RFNG: variants seen among roughly 807,000 people sequenced by gnomAD.
RFNG encodes RFNG O-fucosylpeptide 3-beta-N-acetylglucosaminyltransferase, also known as beta-1,3-N-acetylglucosaminyltransferase radical fringe.
In RFNG, 37 loss-of-function variants were observed where a neutral mutation model predicts 29.6. That is an observed-to-expected ratio of 1.25 (90% CI 0.96 to 1.65). The LOEUF is 1.65. RFNG is among the 40% of genes most tolerant of loss of function. The pLI is 0.00. For synonymous variants in RFNG, 276 were observed against 197.3 expected, an observed-to-expected ratio of 1.40 and a Z score of -3.34; for missense variants, 546 against 457.0, an observed-to-expected ratio of 1.19 and a Z score of -1.78.
At chr17:82,050,031 C>G (rs1342181087) in intron 4 of RFNG, 25 bp from the exon 5 acceptor site, 1 of 1,573,552 alleles carries the variant, frequency 6.4e-7, no homozygotes, top group Non-Finnish European at 8.7e-7. Flanking sequence ...GTGGTCAGAG[C>G]TGCCCAGGAC....
intron 6 of RFNG, 115 bp from the exon 7 acceptor site, chr17:82,049,231 C>A: frequency 1.2e-6 from 1 of 832,818 alleles, no homozygotes; most frequent in South Asian, 1.4e-5. Context: ...CCCAGGCCCT[C>A]GGGGAGGCCA....
In RFNG at chr17:82,050,647, G is replaced by C. The variant is rs2030372234; in HGVS notation, c.419+15C>G. 1.2e-6 allele frequency: 2 copies of C among 1,612,392 alleles called. No individual in the cohort carries two copies. The highest frequency in any genetic ancestry group is 1.1e-5 in the South Asian group (1 of 91,056). ...TGGCTCTGAGCTCTCTGCGGGTCGG[G>C]TCAGCGCCGCGTACTTGCGCCCGGA... On this transcript the variant is annotated intron_variant, in intron 3 of 7. Coordinates refer to ENST00000310496, the MANE Select transcript of RFNG (RefSeq NM_002917.2).
chr17:82,048,847 G>C, intron 7 of RFNG, 40 bp from the exon 8 acceptor site: 1 of 1,573,808 alleles, frequency 6.4e-7, no homozygotes, highest in Non-Finnish European at 8.7e-7. Context: ...CGTGGGCGGA[G>C]AGAGAAGCGG....
Position 82,048,520 on chromosome 17 carries a change from C to T in RFNG, c.*206G>A. 1 of 587,438 alleles carries T rather than the reference C, an allele frequency of 1.7e-6. No homozygotes were observed. The highest frequency in any genetic ancestry group is 3.1e-6 in the Non-Finnish European group (1 of 327,848). 36.4% of individuals were successfully genotyped at this position (587,438 alleles called of 1,614,324 possible). Reference sequence around the variant, plus strand: ...ACTGCGGCCCTGGCCATCAGCCTGGCTGTCTTCGTTCTCCCAAAACACCCA... The same window carrying T: ...ACTGCGGCCCTGGCCATCAGCCTGGTTGTCTTCGTTCTCCCAAAACACCCA... On this transcript the variant is annotated 3_prime_UTR_variant, in exon 8 of 8. Coordinates refer to ENST00000310496, the MANE Select transcript of RFNG (RefSeq NM_002917.2).
chr17:82,049,382 T>C (rs1568028670), intron 6 of RFNG: 3 of 698,366 alleles, frequency 4.3e-6, no homozygotes, highest in Middle Eastern at 2.3e-4. Context: ...TGATGGGACC[T>C]GTTCCGACTC....
At position 82,049,995 on chromosome 17, in the gene RFNG, G is replaced by T. The variant is rs573505445; in HGVS notation, c.585C>A (p.Val195=). The change falls in exon 5 of 8, where the codon GTC becomes GTA. Residue 195 remains valine, a synonymous_variant. Transcript: ENST00000310496. ...RVQGGRTVTT[V]KFWFATGGAG... ...CCCCACCAGTAGCAAACCAGAACTT[G>T]ACCGTGGTCACCTGAAGATGGGGTG... The T allele has an allele frequency of 6.2e-7, 1 of 1,611,094 alleles. No individual in the cohort carries two copies. The highest frequency in any genetic ancestry group is 1.1e-5 in the South Asian group (1 of 90,650).
In RFNG at chr17:82,051,004, G is replaced by C. The variant is rs1433750976; in HGVS notation, c.317-240C>G. ...AGTGGAAACAGGACGGAGGCAGCTC[G>C]CCCTGACCTGGCCTGGAAGGGCGGA... On this transcript the variant is annotated intron_variant, in intron 2 of 7. Transcript: ENST00000310496. This position sits in a 1 kb window ranked among gnomAD's most constrained non-coding sequence, Gnocchi z 4.1. The C allele has an allele frequency of 3.5e-6, 5 of 1,412,896 alleles. No homozygotes were observed. Among genetic ancestry groups the C allele is most frequent in the Non-Finnish European group, 4.6e-6 (5 of 1,088,056 alleles). 87.5% of individuals were successfully genotyped at this position (1,412,896 alleles called of 1,614,324 possible).
At chr17:82,049,543 A>G (rs1282391212) in intron 6 of RFNG, 134 bp downstream of exon 6, 21 of 1,066,990 alleles carry the variant, frequency 2.0e-5, no homozygotes, top group Non-Finnish European at 2.8e-5. Context: ...GGGCCTGTCC[A>G]GGGTCCACCC....
At position 82,051,238 on chromosome 17, in the gene RFNG, G is replaced by A. The variant is rs926075234; in HGVS notation, c.316+56C>T. The stretch of plus-strand genomic sequence containing the variant: ...GCAGCGAAGGGGCCGTGGCTTCGGA[G>A]CGAGAAAGGCTCGGGGGGCAGATCC... On this transcript the variant is annotated intron_variant, in intron 2 of 7. Coordinates refer to ENST00000310496, the MANE Select transcript of RFNG (RefSeq NM_002917.2). The surrounding 1 kb of genome is among the most constrained non-coding windows in gnomAD (Gnocchi z 4.1). 1.9e-5 allele frequency: 25 copies of A among 1,326,558 alleles called. No homozygotes were observed. The African/African-American group carries it at 2.9e-4, about 15-fold the overall frequency. The allele number at this position is 1,326,558 out of a possible 1,614,324, so 82.2% of individuals were successfully genotyped here.
chr17:82,048,697 C>T lies in RFNG; in HGVS notation c.*29G>A, dbSNP rs755383696. 10 of 1,597,198 alleles carry T rather than the reference C, an allele frequency of 6.3e-6. No homozygotes were observed. The African/African-American group carries it at 8.0e-5, about 13-fold the overall frequency. The stretch of plus-strand genomic sequence containing the variant: ...TGGTTCCCCGCGCCTGGGACAGAGC[C>T]AGGCAGCCCTGGGTCGGGGTGGTTG... On this transcript the variant is annotated 3_prime_UTR_variant, in exon 8 of 8. Transcript: ENST00000310496.
chr17:82,050,278 G>A (rs2030283066), intron 4 of RFNG, 124 bp downstream of exon 4: 1 of 1,184,304 alleles, frequency 8.4e-7, no homozygotes, highest in Non-Finnish European at 1.2e-6. Context: ...AACCACCTGG[G>A]TGGATCAGCT....
chr17:82,049,189 C>A (rs1437646143), intron 6 of RFNG, 73 bp from the exon 7 acceptor site: 5 of 1,291,806 alleles, frequency 3.9e-6, no homozygotes, highest in Non-Finnish European at 5.5e-6. Context: ...TGGCCAGGAG[C>A]CCTGCTAGAG....
chr17:82,049,330 C>T (rs752117617), intron 6 of RFNG: 17 of 700,888 alleles, frequency 2.4e-5, no homozygotes, highest in Non-Finnish European at 3.9e-5. Context: ...GGATCTGAAA[C>T]CTCCAGGGCA....
At chr17:82,049,417 A>G (rs2030120466) in intron 6 of RFNG, 1 of 700,496 alleles carries the variant, frequency 1.4e-6, no homozygotes, top group Admixed American at 2.0e-5. Flanking sequence ...CACCACACCC[A>G]CTGCCCAGCT....
chr17:82,049,256 A>C, intron 6 of RFNG, 140 bp from the exon 7 acceptor site: 1 of 740,854 alleles, frequency 1.3e-6, no homozygotes, highest in Non-Finnish European at 2.4e-6. Context: ...TGGAAACAGC[A>C]TTGAAGCATG....
chr17:82,050,642 GT>G lies in RFNG; in HGVS notation c.419+19del. On this transcript the variant is annotated intron_variant, in intron 3 of 7. Transcript: ENST00000310496. ...CAGCTTGGCTCTGAGCTCTCTGCGG[GT>G]CGGGTCAGCGCCGCGTACTTGCGCC... 6.8e-6 allele frequency: 11 copies of G among 1,612,054 alleles called. No individual in the cohort carries two copies. The highest frequency in any genetic ancestry group is 9.3e-6 in the Non-Finnish European group (11 of 1,179,120).
intron 6 of RFNG, 103 bp downstream of exon 6, chr17:82,049,574 C>T (rs2030138983): frequency 4.4e-6 from 6 of 1,362,866 alleles, no homozygotes; most frequent in South Asian, 1.3e-5. Context: ...GCAAATCCCA[C>T]CTGCCTGCTC....
intron 4 of RFNG, 51 bp downstream of exon 4, chr17:82,050,351 G>T: frequency 1.3e-6 from 2 of 1,519,628 alleles, no homozygotes; most frequent in Non-Finnish European, 1.8e-6. Context: ...TGCCTCCCGG[G>T]CTGGTGTCAA....
rs1323070704 is a variant in RFNG, at chr17:82,048,807, C to T, written c.915G>A (p.Arg305=). The change falls in exon 8 of 8, where the codon CGG becomes CGA. Residue 305 remains arginine (R), a splice_region_variant and synonymous_variant. Coordinates refer to ENST00000310496, the MANE Select transcript of RFNG (RefSeq NM_002917.2). Reference sequence around the variant, plus strand: ...ACAGAAGACAATGGATAGACTTAAACCTGGGGAAGGAAGAAGTAGGGGTCA... The same window carrying T: ...ACAGAAGACAATGGATAGACTTAAATCTGGGGAAGGAAGAAGTAGGGGTCA... ...GGFSLHQDPT[R]FKSIHCLLYP... is the part of the protein sequence containing the mutation. 2.5e-6 allele frequency: 4 copies of T among 1,612,378 alleles called. No individual in the cohort carries two copies. The highest frequency in any genetic ancestry group is 1.3e-5 in the African/African-American group (1 of 74,788).
Sources: allele counts gnomAD v4.1 joint callset, GRCh38; gene constraint gnomAD v4.1.1; non-coding constraint Gnocchi (gnomAD v3.1); transcripts MANE v1.5; gene names NCBI Gene and HGNC (gene_info 2026-07-23, HGNC 2026-07-21).